TTK: variants seen among roughly 807,000 people sequenced by gnomAD.
TTK encodes the protein TTK protein kinase.
A neutral mutation model predicts 117.3 loss-of-function variants in TTK; 59 were observed. The observed-to-expected ratio is 0.50, with a 90% confidence interval of 0.41 to 0.62. The LOEUF (loss-of-function observed/expected upper bound fraction) is 0.62, where lower values mean the gene tolerates loss of function less well. TTK is among the 20% of genes least tolerant of loss of function. The pLI is 0.00. For missense variants in TTK, 921 were observed against 989.4 expected, an observed-to-expected ratio of 0.93 and a Z score of 0.93; for synonymous variants, 302 against 325.0, an observed-to-expected ratio of 0.93 and a Z score of 0.76.
rs775182306 is a variant in TTK at position 80,011,991 on chromosome 6, T to C, written c.896+11T>C. ...TTGTTTTATGAAAAGGTATGTTGAG[T>C]TTTAATTTTTAAAATTTGTTGTCCG... On this transcript the variant is annotated intron_variant, in intron 8 of 21. Transcript: ENST00000369798. The C allele has an allele frequency of 6.3e-7, 1 of 1,590,494 alleles. No homozygotes were observed. The highest frequency in any genetic ancestry group is 8.5e-7 in the Non-Finnish European group (1 of 1,173,232).
chr6:80,005,742 A>G, intron 1 of TTK, 100 bp from the exon 2 acceptor site: 1 of 1,385,678 alleles, frequency 7.2e-7, no homozygotes, highest in Non-Finnish European at 9.9e-7. Context: ...ATGTGTTCAC[A>G]AAACGAATGC....
intron 14 of TTK, among the ~76,000 whole-genome samples, 156 bp downstream of exon 14, chr6:80,031,715 C>G (rs1767765227): frequency 6.6e-6 from 1 of 152,144 alleles, no homozygotes; most frequent in South Asian, 2.1e-4. Context: ...TCTCTTCCCG[C>G]TGCCCCTCAC....
intron 11 of TTK, among the ~76,000 whole-genome samples, chr6:80,025,289 G>A (rs1464691591): frequency 1.3e-5 from 2 of 152,080 alleles, no homozygotes; most frequent in Non-Finnish European, 2.9e-5. Flanking sequence ...ACAGACACAC[G>A]AAGTCTTAAA....
At position 80,022,371 on chromosome 6, in the gene TTK, CAG is replaced by C. The variant is rs765633238; in HGVS notation, c.1157_1158del (p.Gln386LeufsTer4). On this transcript the variant is annotated frameshift_variant, in exon 11 of 22. Transcript: ENST00000369798. LOFTEE classifies it high-confidence loss of function. ...EPEVPESNQK[Q>X]WQSKRKSECI... ...AGAGGTTCCAGAGAGTAACCAGAAA[CAG>C]TGGCAATCTAAGAGAAAGTCAGAGT... 2 of 1,613,872 alleles carry C rather than the reference CAG, an allele frequency of 1.2e-6. No individual in the cohort carries two copies. The highest frequency in any genetic ancestry group is 2.7e-5 in the African/African-American group (2 of 75,026).
At chr6:80,019,221 T>C (rs988121640) in intron 10 of TTK, among the ~76,000 whole-genome samples, 1 of 152,166 alleles carries the variant, frequency 6.6e-6, no homozygotes, top group African/African-American at 2.4e-5. Context: ...AGGTGAAATT[T>C]TTATGTTAAA....
intron 14 of TTK, 98 bp downstream of exon 14, chr6:80,031,657 A>G: frequency 1.1e-6 from 1 of 879,256 alleles, no homozygotes; most frequent in African/African-American, 1.8e-5. Context: ...CTTTACTTCT[A>G]GGGGCGATGC....
At chr6:80,029,459 C>A (rs957534536) in intron 13 of TTK, among the ~76,000 whole-genome samples, 16 of 152,130 alleles carry the variant, frequency 1.1e-4, no homozygotes, top group African/African-American at 3.6e-4. Flanking sequence ...CAAAAATGAT[C>A]CAGTTTGTTC....
At chr6:80,006,838 G>A (rs1226225057) in intron 2 of TTK, among the ~76,000 whole-genome samples, 1 of 152,004 alleles carries the variant, frequency 6.6e-6, no homozygotes, top group Non-Finnish European at 1.5e-5. Context: ...AAACGACAAA[G>A]CAAAGTTATG....
intron 10 of TTK, among the ~76,000 whole-genome samples, chr6:80,021,506 G>A (rs758486285): frequency 2.6e-5 from 4 of 152,240 alleles, no homozygotes; most frequent in African/African-American, 9.6e-5. Flanking sequence ...GTGAGGTGTG[G>A]TGGAAGGAAA....
At chr6:80,010,560 G>T (rs1396301551) in intron 4 of TTK, among the ~76,000 whole-genome samples, 2 of 151,062 alleles carry the variant, frequency 1.3e-5, no homozygotes, top group Non-Finnish European at 3.0e-5. Context: ...ATAAACTAAT[G>T]CAAAATTACG....
At chr6:80,036,654 G>T in intron 17 of TTK, 55 bp downstream of exon 17, 1 of 1,528,170 alleles carries the variant, frequency 6.5e-7, no homozygotes, top group Non-Finnish European at 8.8e-7. Context: ...TTTTACCTGT[G>T]AAGTATTATA....
intron 9 of TTK, 101 bp downstream of exon 9, chr6:80,013,467 T>G: frequency 1.0e-6 from 1 of 974,478 alleles, no homozygotes; most frequent in Non-Finnish European, 1.6e-6. Context: ...AAATAGTTCA[T>G]GTATCTCCAA....
chr6:80,036,622 T>G, intron 17 of TTK, 23 bp downstream of exon 17: 1 of 1,587,822 alleles, frequency 6.3e-7, no homozygotes, highest in Non-Finnish European at 8.6e-7. Flanking sequence ...GTTGGTTCTC[T>G]CACAGTAGAG....
chr6:80,015,574 C>A lies in TTK; in HGVS notation c.1108+988C>A, dbSNP rs140438689. Among the ~76,000 whole-genome samples the A allele has an allele frequency of 9.6e-3, 1,462 of 152,078 alleles. 7 individuals carry two copies. Among genetic ancestry groups the A allele is most frequent in the Middle Eastern group, 0.014 (4 of 294 alleles). ...AGTCCCAGGCAAACGGGGACACACACAAAAAAACATTATTTTGGTTGGGAA... is the reference window on the plus strand; with the variant it reads ...AGTCCCAGGCAAACGGGGACACACAAAAAAAAACATTATTTTGGTTGGGAA... On this transcript the variant is annotated intron_variant, in intron 10 of 21. Coordinates refer to ENST00000369798, the MANE Select transcript of TTK (RefSeq NM_003318.5).
chr6:80,018,117 A>G (rs928125386), intron 10 of TTK, among the ~76,000 whole-genome samples: 10 of 151,922 alleles, frequency 6.6e-5, no homozygotes, highest in African/African-American at 1.7e-4. Flanking sequence ...CGAGACTGCA[A>G]TGAGCCATGA....
chr6:80,013,691 G>T, intron 9 of TTK: 1 of 173,650 alleles, frequency 5.8e-6, no homozygotes, highest in Admixed American at 6.3e-5. Flanking sequence ...CCCAAGTTTT[G>T]TTTTTTGTTA....
chr6:80,031,095 G>A (rs1767748333), intron 13 of TTK, among the ~76,000 whole-genome samples: 1 of 150,554 alleles, frequency 6.6e-6, no homozygotes, highest in African/African-American at 2.4e-5. Flanking sequence ...GTGTGTATAT[G>A]TACATATGTA....
chr6:80,022,512 A>C, intron 11 of TTK, 40 bp downstream of exon 11: 1 of 1,596,142 alleles, frequency 6.3e-7, no homozygotes, highest in Non-Finnish European at 8.5e-7. Context: ...TTTTTTGTTC[A>C]TAATGCATTT....
rs972413463 is a variant in TTK, at chr6:80,011,904, G to C, written c.820G>C (p.Val274Leu). 6.2e-7 allele frequency: 1 copy of C among 1,612,364 alleles called. No individual in the cohort carries two copies. Among genetic ancestry groups the C allele is most frequent in the African/African-American group, 1.3e-5 (1 of 74,850 alleles). ...KTKQSCPFGR[V>L]PVNLLNSPDC... The stretch of plus-strand genomic sequence containing the variant: ...TTTTTAGTCATGCCCATTTGGAAGA[G>C]TCCCAGTTAACCTTCTAAATAGCCC... Residue 274 changes from valine (V) to leucine (L), a missense_variant, in exon 8 of 22, where the codon GTC becomes CTC. Transcript: ENST00000369798.
Sources: allele counts gnomAD v4.1 joint callset (sites outside exome capture counted in the v4.1 genomes callset), GRCh38; gene constraint gnomAD v4.1.1; transcripts MANE v1.5; gene names NCBI Gene and HGNC (gene_info 2026-07-23, HGNC 2026-07-21).